Variants in GPRASP3 observed in about 807,000 individuals in gnomAD.
GPRASP3 encodes G protein-coupled receptor associated sorting protein 3.
At chrX:102,733,193 C>A in the GPRASP3 span, among the ~76,000 whole-genome samples, 1 of 112,268 alleles carries the variant, frequency 8.9e-6, no homozygotes, top group Admixed American at 9.4e-5. Context: ...CAGTGGCTCA[C>A]GCCTGTAATC....
chrX:102,750,635 T>G, the GPRASP3 span: 2 of 1,160,098 alleles, frequency 1.7e-6, no homozygotes, highest in Admixed American at 2.7e-5. Flanking sequence ...ATTGAAACAA[T>G]GTAAAATGAG....
the GPRASP3 span, among the ~76,000 whole-genome samples, chrX:102,735,184 A>C: frequency 8.9e-6 from 1 of 111,790 alleles, no homozygotes; most frequent in Non-Finnish European, 1.9e-5. Flanking sequence ...GTCAAACCGA[A>C]TTCTTAATAA....
chrX:102,725,295 C>T, the GPRASP3 span, among the ~76,000 whole-genome samples: 1 of 111,938 alleles, frequency 8.9e-6, no homozygotes, highest in African/African-American at 3.2e-5. Context: ...GTTTTCCCAA[C>T]TGTATTGTGT....
chrX:102,735,553 G>A, the GPRASP3 span, among the ~76,000 whole-genome samples: 31 of 109,659 alleles, frequency 2.8e-4, no homozygotes, highest in South Asian at 7.5e-3. Context: ...ACAGGCACCC[G>A]CCACCACACC....
the GPRASP3 span, chrX:102,752,772 A>G: frequency 3.1e-4 from 38 of 121,225 alleles, no homozygotes; most frequent in African/African-American, 1.3e-3. Flanking sequence ...TCACCCACCA[A>G]AGCTACTTTT....
At chrX:102,733,021 G>C in the GPRASP3 span, among the ~76,000 whole-genome samples, 1 of 112,407 alleles carries the variant, frequency 8.9e-6, no homozygotes, top group Non-Finnish European at 1.9e-5. Context: ...GGCTCTATAA[G>C]TCAAGCTTGA....
chrX:102,731,933 G>A, the GPRASP3 span, among the ~76,000 whole-genome samples: 1 of 112,172 alleles, frequency 8.9e-6, no homozygotes, highest in Non-Finnish European at 1.9e-5. Context: ...GTCTCTTAAT[G>A]CATATGCCTG....
the GPRASP3 span, chrX:102,749,749 G>C: frequency 1.7e-6 from 2 of 1,211,682 alleles, no homozygotes; most frequent in African/African-American, 3.5e-5. Context: ...TCTGGCCTCC[G>C]CTGAAGAAAA....
the GPRASP3 span, among the ~76,000 whole-genome samples, chrX:102,740,093 G>A: frequency 8.9e-6 from 1 of 111,972 alleles, no homozygotes; most frequent in African/African-American, 3.3e-5. Flanking sequence ...AAAAAGCAGA[G>A]GAAATCCCAG....
the GPRASP3 span, among the ~76,000 whole-genome samples, chrX:102,722,734 CA>C: frequency 8.9e-6 from 1 of 111,929 alleles, no homozygotes; most frequent in Non-Finnish European, 1.9e-5. Context: ...CCACATGTAA[CA>C]AAAGATGCTT....
the GPRASP3 span, among the ~76,000 whole-genome samples, chrX:102,734,957 A>G: frequency 2.2e-4 from 25 of 112,195 alleles, no homozygotes; most frequent in Non-Finnish European, 4.1e-4. Context: ...ATTAGGTCAG[A>G]AATAGACATG....
chrX:102,749,996 C>T, the GPRASP3 span: 5 of 1,203,435 alleles, frequency 4.2e-6, no homozygotes, highest in Admixed American at 8.9e-5. Context: ...TTACTTAAGT[C>T]AACTACTGAT....
At chrX:102,729,072 C>A in the GPRASP3 span, among the ~76,000 whole-genome samples, 2 of 112,017 alleles carry the variant, frequency 1.8e-5, no homozygotes, top group Non-Finnish European at 3.8e-5. Context: ...GAGTGAGAAA[C>A]CCCTGAGGAT....
chrX:102,746,340 C>T, the GPRASP3 span, among the ~76,000 whole-genome samples: 7 of 112,298 alleles, frequency 6.2e-5, no homozygotes, highest in African/African-American at 1.9e-4. Context: ...AGGCGGTGAC[C>T]GGTGCAGGCC....
At chrX:102,746,244 C>T in the GPRASP3 span, 8 of 111,569 alleles carry the variant, frequency 7.2e-5, no homozygotes, top group East Asian at 2.3e-3. Flanking sequence ...CCCGCCGACC[C>T]TGACATCCTG....
chrX:102,735,431 G>A, the GPRASP3 span, among the ~76,000 whole-genome samples: 1 of 93,931 alleles, frequency 1.1e-5, no homozygotes, highest in African/African-American at 4.2e-5. Flanking sequence ...TTGAGACGAC[G>A]TCTTGCTCTC....
the GPRASP3 span, among the ~76,000 whole-genome samples, chrX:102,721,281 T>C: frequency 9.0e-6 from 1 of 111,464 alleles, no homozygotes; most frequent in Admixed American, 9.5e-5. Context: ...CCTGTGGTGC[T>C]GGATCAGGAA....
the GPRASP3 span, among the ~76,000 whole-genome samples, chrX:102,723,696 T>G: frequency 9.0e-6 from 1 of 111,461 alleles, no homozygotes; most frequent in South Asian, 3.8e-4. Flanking sequence ...ATGAAGTGAC[T>G]TATGGTGGGC....
At chrX:102,745,302 G>A in the GPRASP3 span, among the ~76,000 whole-genome samples, 1 of 111,613 alleles carries the variant, frequency 9.0e-6, no homozygotes, top group Non-Finnish European at 1.9e-5. Flanking sequence ...AAAAAGCGGC[G>A]TGGCAGAAAG....
Sources: allele counts gnomAD v4.1 joint callset (sites outside exome capture counted in the v4.1 genomes callset), GRCh38; gene constraint gnomAD v4.1.1; transcripts MANE v1.5; gene names NCBI Gene and HGNC (gene_info 2026-07-23, HGNC 2026-07-21).